The following SKAP2 variants were observed in gnomAD, a reference collection of about 807,000 sequenced individuals.
SKAP2 encodes src kinase associated phosphoprotein 2, also known as src kinase-associated phosphoprotein 2.
Under a neutral mutation model 54.9 loss-of-function variants are expected in SKAP2, and 28 were observed. That is an observed-to-expected ratio of 0.51 (90% CI 0.38 to 0.70). The LOEUF (loss-of-function observed/expected upper bound fraction) is 0.70. Ranked by LOEUF, SKAP2 falls within the 30% of genes least tolerant of loss-of-function variation. The pLI, the probability that SKAP2 is intolerant of heterozygous loss-of-function variation, is 0.00. For synonymous variants in SKAP2, 137 were observed against 134.3 expected, an observed-to-expected ratio of 1.02 and a Z score of -0.14; for missense variants, 356 against 424.1, an observed-to-expected ratio of 0.84 and a Z score of 1.41.
At chr7:26,827,576 G>A (rs1462952581) in intron 4 of SKAP2, among the ~76,000 whole-genome samples, 1 of 152,114 alleles carries the variant, frequency 6.6e-6, no homozygotes, top group Non-Finnish European at 1.5e-5. Context: ...AAAATAAAAA[G>A]TCCAGCAATC....
At chr7:26,769,491 T>C (rs1324530816) in intron 4 of SKAP2, among the ~76,000 whole-genome samples, 1 of 152,202 alleles carries the variant, frequency 6.6e-6, no homozygotes, top group Non-Finnish European at 1.5e-5. Context: ...CCAGTTTTGT[T>C]CCCTTGCTGG....
intron 4 of SKAP2, among the ~76,000 whole-genome samples, chr7:26,783,956 AATAATT>A (rs937632244): frequency 6.6e-5 from 10 of 152,118 alleles, no homozygotes; most frequent in African/African-American, 1.7e-4. Flanking sequence ...AATGAAATAA[AATAATT>A]ATAAGTCTTA....
chr7:26,783,839 G>A (rs547272739), intron 4 of SKAP2, among the ~76,000 whole-genome samples: 58 of 152,120 alleles, frequency 3.8e-4, no homozygotes, highest in African/African-American at 1.1e-3. Flanking sequence ...TATACCTAAC[G>A]CTAAATGACG....
intron 9 of SKAP2, among the ~76,000 whole-genome samples, chr7:26,702,560 C>T (rs1787054820): frequency 6.6e-6 from 1 of 152,108 alleles, no homozygotes; most frequent in Non-Finnish European, 1.5e-5. Flanking sequence ...TTTGAAGATT[C>T]CTAGTTGCTG....
chr7:26,798,978 G>A (rs10280403), intron 4 of SKAP2, among the ~76,000 whole-genome samples: 12,923 of 145,250 alleles, frequency 0.089, 618 homozygotes, highest in Middle Eastern at 0.17. Flanking sequence ...ACCTTCACTA[G>A]AGGAAGACAA....
At chr7:26,854,651 C>T in intron 2 of SKAP2, 134 bp downstream of exon 2, 6 of 852,122 alleles carry the variant, frequency 7.0e-6, no homozygotes, top group Non-Finnish European at 8.8e-6. Flanking sequence ...ATTTTTTGCC[C>T]TTCAAAAATA....
chr7:26,861,199 T>C (rs914378137), intron 1 of SKAP2, among the ~76,000 whole-genome samples: 1 of 151,466 alleles, frequency 6.6e-6, no homozygotes, highest in African/African-American at 2.4e-5. Flanking sequence ...AGGGAAGTGG[T>C]TCTAGTTCCT....
chr7:26,805,255 G>A (rs576651520), intron 4 of SKAP2, among the ~76,000 whole-genome samples: 145 of 152,182 alleles, frequency 9.5e-4, no homozygotes, highest in Non-Finnish European at 1.8e-3. Flanking sequence ...TATATGTACA[G>A]AAAATGTCTC....
chr7:26,655,804 T>C, the SKAP2 span, among the ~76,000 whole-genome samples: 1 of 152,214 alleles, frequency 6.6e-6, no homozygotes, highest in African/African-American at 2.4e-5. Context: ...CTGCAGGTAA[T>C]GATGAATCTT....
intron 3 of SKAP2, among the ~76,000 whole-genome samples, chr7:26,851,313 T>C (rs1785036781): frequency 6.7e-6 from 1 of 149,474 alleles, no homozygotes; most frequent in Non-Finnish European, 1.5e-5. Context: ...TATAGTTCCA[T>C]CTACTATATA....
At chr7:26,671,514 T>TA (rs1262403293) in intron 11 of SKAP2, among the ~76,000 whole-genome samples, 43 of 152,024 alleles carry the variant, frequency 2.8e-4, no homozygotes, top group African/African-American at 9.7e-4. Context: ...AGTCTATCAA[T>TA]AGAGAGATTA....
chr7:26,792,357 C>G (rs1783688566), intron 4 of SKAP2, among the ~76,000 whole-genome samples: 1 of 152,100 alleles, frequency 6.6e-6, no homozygotes, highest in Admixed American at 6.5e-5. Context: ...TAAATTATAC[C>G]TGATAAACCT....
intron 10 of SKAP2, among the ~76,000 whole-genome samples, chr7:26,686,308 A>T (rs1198934819): frequency 6.6e-6 from 1 of 152,162 alleles, no homozygotes; most frequent in Admixed American, 6.6e-5. Context: ...TTGTTTTCTA[A>T]GAATTAAAAA....
At chr7:26,777,471 T>A (rs1783336015) in intron 4 of SKAP2, among the ~76,000 whole-genome samples, 4 of 152,212 alleles carry the variant, frequency 2.6e-5, no homozygotes, top group Admixed American at 2.6e-4. Flanking sequence ...CTCAGATGTG[T>A]AGGATCCTCA....
the SKAP2 span, among the ~76,000 whole-genome samples, chr7:26,657,304 C>A: frequency 6.6e-6 from 1 of 152,192 alleles, no homozygotes; most frequent in Non-Finnish European, 1.5e-5. Flanking sequence ...TGCTCCCCTG[C>A]AGGAGGACTG....
intron 4 of SKAP2, among the ~76,000 whole-genome samples, chr7:26,785,388 A>C (rs1783523203): frequency 6.6e-6 from 1 of 152,060 alleles, no homozygotes; most frequent in East Asian, 1.9e-4. Flanking sequence ...GGGTTTCACC[A>C]TGTTAGCCAG....
At chr7:26,778,072 A>T (rs1184118859) in intron 4 of SKAP2, among the ~76,000 whole-genome samples, 1 of 152,088 alleles carries the variant, frequency 6.6e-6, no homozygotes, top group Non-Finnish European at 1.5e-5. Flanking sequence ...ATTGATTCCT[A>T]ACCACTGAGA....
chr7:26,696,939 C>A (rs780837329), intron 9 of SKAP2, among the ~76,000 whole-genome samples: 1 of 152,020 alleles, frequency 6.6e-6, no homozygotes, highest in Non-Finnish European at 1.5e-5. Context: ...AATACCCATA[C>A]ACACACAAAT....
intron 4 of SKAP2, among the ~76,000 whole-genome samples, chr7:26,786,782 T>A (rs1207585704): frequency 3.3e-5 from 5 of 152,202 alleles, no homozygotes; most frequent in African/African-American, 9.7e-5. Flanking sequence ...TTCTAGAATA[T>A]CTTTTTTTTC....
Sources: allele counts gnomAD v4.1 joint callset (sites outside exome capture counted in the v4.1 genomes callset), GRCh38; gene constraint gnomAD v4.1.1; transcripts MANE v1.5; gene names NCBI Gene and HGNC (gene_info 2026-07-23, HGNC 2026-07-21).